PCDH15: variants seen among roughly 807,000 people sequenced by gnomAD.
The protein encoded by PCDH15 is protocadherin-15.
Under a neutral mutation model 178.5 loss-of-function variants are expected in PCDH15, and 129 were observed. The observed-to-expected ratio is 0.72, with a 90% CI of 0.63 to 0.84. The LOEUF is 0.84. PCDH15 is among the 40% of genes least tolerant of loss of function. PCDH15 has a pLI of 0.00. For synonymous variants in PCDH15, 800 were observed against 732.0 expected (o/e 1.09, Z -1.50); for missense variants, 2,230 against 2,099.9 (o/e 1.06, Z -1.21).
intron 2 of PCDH15, among the ~76,000 whole-genome samples, chr10:55,432,776 AATAT>A (rs34512028): frequency 0.034 from 4,997 of 147,736 alleles, 273 homozygotes; most frequent in African/African-American, 0.12. Flanking sequence ...ACGCCCGGCT[AATAT>A]ATATATATAT....
At chr10:54,378,718 C>T in intron 4 of PCDH15, 64 bp downstream of exon 4, 1 of 1,520,104 alleles carries the variant, frequency 6.6e-7, no homozygotes, top group Non-Finnish European at 9.1e-7. Flanking sequence ...CATATAAACA[C>T]ACACATAGAC....
intron 2 of PCDH15, among the ~76,000 whole-genome samples, chr10:54,914,200 G>A (rs1341011675): frequency 6.6e-6 from 1 of 152,114 alleles, no homozygotes; most frequent in East Asian, 1.9e-4. Context: ...TGTTTGAGGA[G>A]GGGCATGGTG....
intron 13 of PCDH15, among the ~76,000 whole-genome samples, chr10:54,163,176 C>T (rs2045884763): frequency 6.6e-6 from 1 of 152,084 alleles, no homozygotes; most frequent in African/African-American, 2.4e-5. Context: ...TCTGTATGCA[C>T]ACAATATACT....
At chr10:54,331,975 C>T (rs1195773419) in intron 6 of PCDH15, among the ~76,000 whole-genome samples, 2 of 151,576 alleles carry the variant, frequency 1.3e-5, no homozygotes, top group East Asian at 3.9e-4. Context: ...CTAAAAATCC[C>T]TTTTCAGGTT....
chr10:54,404,750 C>CA (rs1952411807), intron 3 of PCDH15, among the ~76,000 whole-genome samples: 1 of 151,932 alleles, frequency 6.6e-6, no homozygotes, highest in South Asian at 2.1e-4. Context: ...ACAAACTATG[C>CA]ATTTGACAAA....
At position 53,970,502 on chromosome 10, in the gene PCDH15, G is replaced by GTT. The variant is rs201979503; in HGVS notation, c.2869-8612_2869-8611dup. On this transcript the variant is annotated intron_variant, in intron 21 of 37. Transcript: ENST00000644397. ...CAAAAAATCAATGAATCCAGGAGCT[G>GTT]TTTTTTTTTAAAAAATCAACTAAAT... is the stretch of plus-strand genomic sequence containing the variant. Among the ~76,000 whole-genome samples, 31 of 150,870 alleles carry GTT rather than the reference G, an allele frequency of 2.1e-4. 1 individual carries two copies. The highest frequency in any genetic ancestry group is 1.1e-3 in the South Asian group (5 of 4,758).
chr10:55,527,406 A>G (rs1841324093), intron 2 of PCDH15, among the ~76,000 whole-genome samples: 1 of 152,006 alleles, frequency 6.6e-6, no homozygotes, highest in African/African-American at 2.4e-5. Context: ...CATTCTTCCT[A>G]TGGAGTGTCT....
chr10:55,199,229 G>A (rs1333006653), intron 1 of PCDH15, among the ~76,000 whole-genome samples: 2 of 152,114 alleles, frequency 1.3e-5, no homozygotes, highest in African/African-American at 4.8e-5. Context: ...TCCAGGCTAA[G>A]GTGGTCTCAG....
chr10:54,015,294 T>C (rs1315460527), intron 20 of PCDH15, among the ~76,000 whole-genome samples: 2 of 152,130 alleles, frequency 1.3e-5, no homozygotes, highest in Non-Finnish European at 2.9e-5. Context: ...TGCTTGTGGA[T>C]AGAAAGAATC....
intron 2 of PCDH15, among the ~76,000 whole-genome samples, chr10:54,624,214 T>C (rs540377156): frequency 1.3e-5 from 2 of 152,276 alleles, no homozygotes; most frequent in African/African-American, 4.8e-5. Flanking sequence ...TAAATTATAA[T>C]GCTCTAAATG....
chr10:55,060,016 A>G (rs1841391706), intron 2 of PCDH15, among the ~76,000 whole-genome samples: 1 of 152,046 alleles, frequency 6.6e-6, no homozygotes, highest in Admixed American at 6.5e-5. Context: ...AATTGGAACA[A>G]CTTATTCCTG....
At chr10:54,978,189 A>C (rs73267978) in intron 2 of PCDH15, among the ~76,000 whole-genome samples, 1 of 152,248 alleles carries the variant, frequency 6.6e-6, no homozygotes, top group East Asian at 1.9e-4. Flanking sequence ...ATAAATTGAA[A>C]CTAGTAAAGG....
In PCDH15 at chr10:54,020,275, C is replaced by T. The variant is rs763795210; in HGVS notation, c.2668G>A (p.Ala890Thr). Residue 890 changes from alanine (A) to threonine (T), a missense_variant, in exon 20 of 38, where the codon GCA (alanine) becomes ACA (threonine). Transcript: ENST00000644397. ...GCCTCTACCAGAAAAGTGATACTTGCTTCTTGGTCTGGAAATGCCTCATAA... is the reference window on the plus strand; with the variant it reads ...GCCTCTACCAGAAAAGTGATACTTGTTTCTTGGTCTGGAAATGCCTCATAA... ...LDYEAFPDQE[A>T]SITFLVEAFD... 9 of 1,613,712 alleles carry T rather than the reference C, an allele frequency of 5.6e-6. No individual in the cohort carries two copies. The highest frequency in any genetic ancestry group is 7.6e-6 in the Non-Finnish European group (9 of 1,179,768).
chr10:53,866,833 A>C lies in PCDH15; in HGVS notation c.3526T>G (p.Tyr1176Asp). The C allele has an allele frequency of 6.2e-7, 1 of 1,612,050 alleles. No homozygotes were observed. The highest frequency in any genetic ancestry group is 8.5e-7 in the Non-Finnish European group (1 of 1,178,430). Residue 1176 changes from tyrosine (Y) to aspartate (D), a missense_variant, in exon 27 of 38, where the codon TAT becomes GAT. Transcript: ENST00000644397. ...ATGAGTCTGTAGGCCATGACACTAT[A>C]ATTGCCAGTATCTTTATCAGTAGCC... ...VKATDKDTGN[Y>D]SVMAYRLIIP...
chr10:55,321,521 C>A (rs1431761273), upstream of PCDH15, among the ~76,000 whole-genome samples: 2 of 152,038 alleles, frequency 1.3e-5, no homozygotes, highest in Non-Finnish European at 2.9e-5. Context: ...CAAAATACTA[C>A]ACAAAAAGAC....
chr10:54,960,745 T>A (rs1838624382), intron 2 of PCDH15, among the ~76,000 whole-genome samples: 1 of 152,238 alleles, frequency 6.6e-6, no homozygotes. Context: ...AATGCTTTTT[T>A]ATAAGCTTTG....
At chr10:54,579,350 G>T (rs1470119633) in intron 2 of PCDH15, among the ~76,000 whole-genome samples, 2 of 152,070 alleles carry the variant, frequency 1.3e-5, no homozygotes, top group African/African-American at 4.8e-5. Context: ...ACTTGTGTTA[G>T]ATAAGACAGA....
chr10:54,044,670 G>A (rs886148073), intron 18 of PCDH15, among the ~76,000 whole-genome samples: 3 of 152,096 alleles, frequency 2.0e-5, no homozygotes, highest in Non-Finnish European at 4.4e-5. Context: ...AAGCTGCTAC[G>A]AAGTGCAAAG....
intron 8 of PCDH15, among the ~76,000 whole-genome samples, chr10:54,274,851 A>G (rs2058262580): frequency 1.3e-5 from 2 of 152,030 alleles, no homozygotes; most frequent in South Asian, 4.1e-4. Flanking sequence ...GAATAAATTG[A>G]ACCTTGATCA....
Sources: gnomAD v4.1 joint callset for allele counts (sites outside exome capture counted in the v4.1 genomes callset) on GRCh38, gnomAD v4.1.1 for gene constraint, MANE v1.5 for transcripts, NCBI Gene and HGNC (gene_info 2026-07-23, HGNC 2026-07-21) for gene names.